Variants in CFAP46 observed in about 807,000 individuals in gnomAD.
The protein encoded by CFAP46 is cilia- and flagella-associated protein 46.
Under a neutral mutation model 325.7 loss-of-function variants are expected in CFAP46, and 245 were observed. The ratio of observed to expected loss-of-function variants is 0.75; its 90% CI spans 0.68 to 0.84. The LOEUF (loss-of-function observed/expected upper bound fraction) is 0.84, where lower values mean the gene tolerates loss of function less well. CFAP46 is among the 40% of genes least tolerant of loss of function. The probability of loss-of-function intolerance (pLI) is 0.00; values close to 1 mark genes in which losing one functional copy is unlikely to be tolerated. For synonymous variants in CFAP46, 1,523 were observed against 1,495.9 expected, an observed-to-expected ratio of 1.02 and a Z score of -0.42; for missense variants, 3,346 against 3,543.0, an observed-to-expected ratio of 0.94 and a Z score of 1.41.
intron 22 of CFAP46, 31 bp from the exon 23 acceptor site, chr10:132,899,697 C>A (rs1251227778): frequency 6.5e-7 from 1 of 1,532,768 alleles, no homozygotes; most frequent in Admixed American, 2.0e-5. Flanking sequence ...AGGAGGGAGG[C>A]CACTGTGGCC....
chr10:132,909,984 T>C lies in CFAP46; in HGVS notation c.2584A>G (p.Thr862Ala). ...AGCAGCTGCTTGGCCTTGACCCAGG[T>C]GGCGATAAGCTGCTGCCGGGTGCCG... ...PTGTRQQLIA[T>A]WVKAKQLLQQ... Residue 862 changes from threonine (T) to alanine (A), a missense_variant, in exon 20 of 58, where the codon ACC (threonine) becomes GCC (alanine). Coordinates refer to ENST00000368586, the MANE Select transcript of CFAP46 (RefSeq NM_001200049.3). 3 of 1,542,964 alleles carry C rather than the reference T, an allele frequency of 1.9e-6. No homozygotes were observed. The highest frequency in any genetic ancestry group is 2.5e-5 in the East Asian group (1 of 40,034).
At chr10:132,818,076 C>G (rs943932944) in intron 50 of CFAP46, among the ~76,000 whole-genome samples, 2 of 152,222 alleles carry the variant, frequency 1.3e-5, no homozygotes, top group Non-Finnish European at 2.9e-5. Flanking sequence ...CCCAGGACCA[C>G]GCGACGTCGC....
intron 57 of CFAP46, among the ~76,000 whole-genome samples, chr10:132,810,042 C>G (rs1427969957): frequency 6.6e-6 from 1 of 152,220 alleles, no homozygotes; most frequent in East Asian, 1.9e-4. Context: ...GGGCCAGGCA[C>G]AGCTGCCACC....
At chr10:132,812,205 T>A (rs1222835163) in intron 55 of CFAP46, among the ~76,000 whole-genome samples, 1 of 152,188 alleles carries the variant, frequency 6.6e-6, no homozygotes, top group Admixed American at 6.5e-5. Context: ...CAGGGTGACG[T>A]ACCCCTACGT....
rs182449703 is a variant in CFAP46 at position 132,925,004 on chromosome 10, G to A, written c.1066-118C>T. 3 of 786,030 alleles carry A rather than the reference G, an allele frequency of 3.8e-6. No individual in the cohort carries two copies. In the East Asian group the frequency reaches 1.0e-4, roughly 26 times the overall value. 48.7% of individuals were successfully genotyped at this position (786,030 alleles called of 1,614,324 possible). A position where few individuals can be genotyped will look rare whatever the true frequency, so the allele number is the denominator to read the frequency against. On this transcript the variant is annotated intron_variant, in intron 10 of 57. Coordinates refer to ENST00000368586, the MANE Select transcript of CFAP46 (RefSeq NM_001200049.3). ...GGCCCTAAATTCATCACCCTGCGTG[G>A]CGTCATGCTCAAATCTGTCCGTGAA...
chr10:132,834,783 A>G lies in CFAP46; in HGVS notation c.6745-8T>C, dbSNP rs1319417075. On this transcript the variant is annotated splice_region_variant and splice_polypyrimidine_tract_variant and intron_variant, in intron 47 of 57. Transcript: ENST00000368586. ...CTGCAGGCCTTCTGGTTCCTACCGC[A>G]ATCCAAAAAAGAGGCCCCCGTAGCA... The G allele has an allele frequency of 1.2e-6, 2 of 1,607,874 alleles. No homozygotes were observed. The highest frequency in any genetic ancestry group is 1.7e-6 in the Non-Finnish European group (2 of 1,176,504).
Position 132,871,142 on chromosome 10 carries a change from T to A in CFAP46, c.4511+1534A>T, listed in dbSNP as rs1848891682. The stretch of plus-strand genomic sequence containing the variant: ...ACAGCACATCTGTTGACAGCATGGT[T>A]TGCTGAATATTTAAAGCCCACTGTT... On this transcript the variant is annotated intron_variant, in intron 32 of 57. Transcript: ENST00000368586. Among the ~76,000 whole-genome samples, 3 of 151,900 alleles carry A rather than the reference T, an allele frequency of 2.0e-5. No individual in the cohort carries two copies. The South Asian group carries it at 6.2e-4, about 31-fold the overall frequency.
intron 28 of CFAP46, among the ~76,000 whole-genome samples, chr10:132,880,276 C>G (rs556707399): frequency 2.6e-5 from 4 of 152,242 alleles, no homozygotes; most frequent in African/African-American, 4.8e-5. Context: ...TGCCCAGGCA[C>G]TGGCAGTGTT....
At position 132,859,253 on chromosome 10, in the gene CFAP46, G is replaced by C; in HGVS notation, c.5199-6C>G. 1 of 1,545,830 alleles carries C rather than the reference G, an allele frequency of 6.5e-7. No homozygotes were observed. Among genetic ancestry groups the C allele is most frequent in the Non-Finnish European group, 8.7e-7 (1 of 1,145,826 alleles). On this transcript the variant is annotated splice_region_variant and splice_polypyrimidine_tract_variant and intron_variant, in intron 37 of 57. Coordinates refer to ENST00000368586, the MANE Select transcript of CFAP46 (RefSeq NM_001200049.3). ...TGACCCGCAGGCTCAGGCACCTGAC[G>C]GAGGGACGGTTTGGGGCCTGGAGTC...
rs1564776129 is a variant in CFAP46, at chr10:132,847,626, C to T, written c.5953-305G>A. On this transcript the variant is annotated intron_variant, in intron 41 of 57. Transcript: ENST00000368586. This position sits in a 1 kb window ranked among gnomAD's most constrained non-coding sequence, Gnocchi z 5.2. ...TGAGTCACGTGGGCCTGGAATCCAACACATTCCCAGGGGGCTCTCGTTCCT... is the reference window on the plus strand; with the variant it reads ...TGAGTCACGTGGGCCTGGAATCCAATACATTCCCAGGGGGCTCTCGTTCCT... Among the ~76,000 whole-genome samples, 1 of 152,026 alleles carries T rather than the reference C, an allele frequency of 6.6e-6. No homozygotes were observed. The highest frequency in any genetic ancestry group is 1.5e-5 in the Non-Finnish European group (1 of 67,986).
At chr10:132,916,754 C>G in intron 16 of CFAP46, 72 bp from the exon 17 acceptor site, 5 of 1,400,362 alleles carry the variant, frequency 3.6e-6, no homozygotes, top group African/African-American at 1.5e-5. Flanking sequence ...GAAACACACA[C>G]GCCCTTCCCT....
rs553446169 is a variant in CFAP46 at position 132,885,918 on chromosome 10, G to A, written c.3346C>T (p.Leu1116=). The A allele has an allele frequency of 1.7e-4, 257 of 1,550,286 alleles. 2 individuals are homozygous for A. The African/African-American group carries it at 3.1e-3, about 19-fold the overall frequency. ...DLALRAALYG[L]LFHSHADQDD... is the part of the protein sequence containing the mutation. ...TGGTCGGCATGGCTGTGGAAGAGCAGGCCGTAGAGCGCAGCACGGAGCGCC... is the reference window on the plus strand; with the variant it reads ...TGGTCGGCATGGCTGTGGAAGAGCAAGCCGTAGAGCGCAGCACGGAGCGCC... The change falls in exon 26 of 58, where the codon CTG becomes TTG. Residue 1116 remains leucine, a synonymous_variant. Transcript: ENST00000368586.
At chr10:132,930,647 G>A (rs1269031728) in intron 8 of CFAP46, among the ~76,000 whole-genome samples, 1 of 90,452 alleles carries the variant, frequency 1.1e-5, no homozygotes, top group Non-Finnish European at 2.2e-5. Flanking sequence ...CACAGAGCCT[G>A]GGCCTCCCCA....
intron 22 of CFAP46, among the ~76,000 whole-genome samples, chr10:132,902,573 G>C (rs776984015): frequency 1.3e-5 from 2 of 152,156 alleles, no homozygotes; most frequent in African/African-American, 4.8e-5. Flanking sequence ...GACAGTAGCT[G>C]TTTTCAACTC....
chr10:132,892,495 C>G (rs1849267489), intron 24 of CFAP46, 78 bp from the exon 25 acceptor site: 2 of 1,310,202 alleles, frequency 1.5e-6, no homozygotes, highest in African/African-American at 2.9e-5. Context: ...GAAACTCCCC[C>G]TCTGAGCTCT....
chr10:132,867,354 G>C, intron 34 of CFAP46, 21 bp downstream of exon 34: 1 of 1,543,630 alleles, frequency 6.5e-7, no homozygotes. Context: ...GGGTCAGAGG[G>C]ATTCTGGACG....
chr10:132,861,599 G>A (rs1848721992), intron 35 of CFAP46, among the ~76,000 whole-genome samples: 1 of 152,230 alleles, frequency 6.6e-6, no homozygotes, highest in Admixed American at 6.5e-5. Context: ...CAGGGAGCTG[G>A]GCAGCCACAT....
chr10:132,889,838 A>C lies in CFAP46; in HGVS notation c.3304+2495T>G, dbSNP rs2135433081. On this transcript the variant is annotated intron_variant, in intron 25 of 57. Coordinates refer to ENST00000368586, the MANE Select transcript of CFAP46 (RefSeq NM_001200049.3). This position sits in a 1 kb window ranked among gnomAD's most constrained non-coding sequence, Gnocchi z 6.0. ...TCTGGGCCTCGTGTTTCCACAGCACAGCATGGCCGTCCCGCCTGATTAAAG... is the reference window on the plus strand; with the variant it reads ...TCTGGGCCTCGTGTTTCCACAGCACCGCATGGCCGTCCCGCCTGATTAAAG... Among the ~76,000 whole-genome samples, 1 of 152,346 alleles carries C rather than the reference A, an allele frequency of 6.6e-6. No individual in the cohort carries two copies. Among genetic ancestry groups the C allele is most frequent in the South Asian group, 2.1e-4 (1 of 4,828 alleles).
At chr10:132,913,343 A>C (rs372574628) in intron 17 of CFAP46, 85 bp from the exon 18 acceptor site, 1 of 889,794 alleles carries the variant, frequency 1.1e-6, no homozygotes. Flanking sequence ...GCCTGTTAGG[A>C]ACCAGGCTGC....
Sources: allele counts gnomAD v4.1 joint callset (sites outside exome capture counted in the v4.1 genomes callset), GRCh38; gene constraint gnomAD v4.1.1; non-coding constraint Gnocchi (gnomAD v3.1); transcripts MANE v1.5; gene names NCBI Gene and HGNC (gene_info 2026-07-23, HGNC 2026-07-21).